The following MAF variants were observed in gnomAD, a reference collection of about 807,000 sequenced individuals.
MAF encodes transcription factor Maf.
A neutral mutation model predicts 22.0 loss-of-function variants in MAF; 10 were observed. The ratio of observed to expected loss-of-function variants is 0.45; its 90% confidence interval spans 0.28 to 0.77. The LOEUF (loss-of-function observed/expected upper bound fraction) is 0.77, where lower values mean the gene tolerates loss of function less well. Among genes scored for constraint, MAF ranks in the 30% least tolerant of loss-of-function variants. The pLI is 0.12. For missense variants in MAF, 544 were observed against 548.4 expected (o/e 0.99, Z 0.08); for synonymous variants, 337 against 255.8 (o/e 1.32, Z -3.03).
the MAF span, among the ~76,000 whole-genome samples, chr16:79,514,160 G>A: frequency 1.3e-5 from 2 of 152,194 alleles, no homozygotes; most frequent in Non-Finnish European, 2.9e-5. Flanking sequence ...CATTGCACGG[G>A]GGAAATAAGC....
At chr16:79,207,810 T>C in the MAF span, among the ~76,000 whole-genome samples, 2 of 152,068 alleles carry the variant, frequency 1.3e-5, no homozygotes, top group Non-Finnish European at 2.9e-5. Context: ...TTACCATATA[T>C]TGTTTATCAG....
the MAF span, among the ~76,000 whole-genome samples, chr16:79,391,024 C>G: frequency 6.6e-6 from 1 of 152,194 alleles, no homozygotes; most frequent in Non-Finnish European, 1.5e-5. Flanking sequence ...TTCCGTCACA[C>G]TGCCAGGGTC....
chr16:79,395,182 G>T, the MAF span, among the ~76,000 whole-genome samples: 3 of 152,200 alleles, frequency 2.0e-5, no homozygotes, highest in Non-Finnish European at 4.4e-5. Flanking sequence ...TTGCGATGAG[G>T]TTGAAGGGGC....
the MAF span, among the ~76,000 whole-genome samples, chr16:79,439,332 G>C: frequency 6.7e-6 from 1 of 148,948 alleles, no homozygotes; most frequent in African/African-American, 2.5e-5. Flanking sequence ...CTCAATCTTG[G>C]CTCACTGCAA....
At chr16:79,219,421 G>A in the MAF span, among the ~76,000 whole-genome samples, 3 of 151,934 alleles carry the variant, frequency 2.0e-5, no homozygotes, top group African/African-American at 7.3e-5. Context: ...CAAGGTGGCG[G>A]GCGCCTGTAG....
chr16:79,271,778 G>C, the MAF span, among the ~76,000 whole-genome samples: 1 of 152,220 alleles, frequency 6.6e-6, no homozygotes, highest in South Asian at 2.1e-4. Flanking sequence ...TCCTTGCTTA[G>C]TCAGCATTTT....
the MAF span, among the ~76,000 whole-genome samples, chr16:79,438,823 GGTATTTTTCAAGCAC>G: frequency 6.6e-6 from 1 of 152,114 alleles, no homozygotes; most frequent in Non-Finnish European, 1.5e-5. Flanking sequence ...CACAGTAACT[GGTATTTTTCAAGCAC>G]GTATTCCATG....
chr16:79,545,193 G>A, the MAF span, among the ~76,000 whole-genome samples: 1 of 152,202 alleles, frequency 6.6e-6, no homozygotes, highest in Non-Finnish European at 1.5e-5. Flanking sequence ...AAAAAAAAGT[G>A]AGAAAGGGCA....
At chr16:79,589,916 A>C (rs1913088492), downstream of MAF, among the ~76,000 whole-genome samples, 1 of 152,018 alleles carries the variant, frequency 6.6e-6, no homozygotes, top group African/African-American at 2.4e-5. Flanking sequence ...CTGGCGTCTG[A>C]GCGCACCGGC....
chr16:79,470,667 C>T, the MAF span, among the ~76,000 whole-genome samples: 1 of 152,186 alleles, frequency 6.6e-6, no homozygotes, highest in East Asian at 1.9e-4. Context: ...AAAACTGAGA[C>T]TTAAAGAGTT....
At chr16:79,357,731 A>C in the MAF span, among the ~76,000 whole-genome samples, 3 of 151,616 alleles carry the variant, frequency 2.0e-5, no homozygotes, top group Non-Finnish European at 4.4e-5. Context: ...GTGACTACTC[A>C]GGGAATAGCA....
the MAF span, among the ~76,000 whole-genome samples, chr16:79,486,680 G>C: frequency 1.3e-5 from 2 of 152,194 alleles, no homozygotes; most frequent in East Asian, 3.8e-4. Flanking sequence ...TTGGCTTTAT[G>C]AGTCTCCGAG....
chr16:79,289,310 G>A, the MAF span, among the ~76,000 whole-genome samples: 2 of 152,156 alleles, frequency 1.3e-5, no homozygotes, highest in Non-Finnish European at 2.9e-5. Flanking sequence ...GGGATGGCGG[G>A]AGGTAGAGAG....
the MAF span, among the ~76,000 whole-genome samples, chr16:79,419,960 G>A: frequency 6.6e-6 from 1 of 151,496 alleles, no homozygotes; most frequent in Middle Eastern, 3.2e-3. Context: ...GAGTCCTGGA[G>A]TATAACCAGT....
chr16:79,337,922 C>G, the MAF span, among the ~76,000 whole-genome samples: 62 of 152,324 alleles, frequency 4.1e-4, 1 homozygote, highest in Middle Eastern at 6.8e-3. Flanking sequence ...ACTTCTGATG[C>G]CTGTCTTGTA....
chr16:79,518,528 T>G, the MAF span, among the ~76,000 whole-genome samples: 15 of 152,336 alleles, frequency 9.8e-5, no homozygotes, highest in Non-Finnish European at 2.1e-4. Context: ...TCAGCTGCTT[T>G]GGATGTGATC....
the MAF span, among the ~76,000 whole-genome samples, chr16:79,576,769 G>C: frequency 6.6e-6 from 1 of 152,048 alleles, no homozygotes; most frequent in East Asian, 1.9e-4. Flanking sequence ...CCTGTGCCAG[G>C]TGCTTTACAT....
chr16:79,231,635 G>A, the MAF span, among the ~76,000 whole-genome samples: 15 of 152,148 alleles, frequency 9.9e-5, no homozygotes, highest in Admixed American at 3.3e-4. Context: ...AAAGAAGAAA[G>A]CAGGAAAGAA....
At chr16:79,487,544 G>A in the MAF span, among the ~76,000 whole-genome samples, 1 of 152,208 alleles carries the variant, frequency 6.6e-6, no homozygotes, top group Non-Finnish European at 1.5e-5. Flanking sequence ...TCCTGAAATG[G>A]TTTTTAAAAT....
Sources: gnomAD v4.1 joint callset for allele counts (sites outside exome capture counted in the v4.1 genomes callset) on GRCh38, gnomAD v4.1.1 for gene constraint, MANE v1.5 for transcripts, NCBI Gene and HGNC (gene_info 2026-07-23, HGNC 2026-07-21) for gene names.